TBC1D32: variants seen among roughly 807,000 people sequenced by gnomAD.
TBC1D32 encodes the protein protein broad-minded.
Under a neutral mutation model 170.3 loss-of-function variants are expected in TBC1D32, and 151 were observed. The observed-to-expected ratio is 0.89, with a 90% CI of 0.78 to 1.01. The LOEUF is 1.01. Ranked by LOEUF, TBC1D32 falls within the 50% of genes least tolerant of loss-of-function variation. The pLI, the probability that TBC1D32 is intolerant of heterozygous loss-of-function variation, is 0.00. For missense variants in TBC1D32, 1,464 were observed against 1,457.1 expected (o/e 1.00, Z -0.08); for synonymous variants, 498 against 488.0 (o/e 1.02, Z -0.27).
At chr6:121,267,654 C>T (rs1013060218) in intron 15 of TBC1D32, among the ~76,000 whole-genome samples, 1 of 152,284 alleles carries the variant, frequency 6.6e-6, no homozygotes, top group South Asian at 2.1e-4. Flanking sequence ...CTCAAGGAGG[C>T]CTGCCTGCCT....
intron 15 of TBC1D32, among the ~76,000 whole-genome samples, chr6:121,263,182 C>T (rs1047325576): frequency 2.0e-5 from 3 of 151,304 alleles, no homozygotes; most frequent in Non-Finnish European, 4.4e-5. Context: ...ATTCAAGAGA[C>T]TCATCTCATA....
In TBC1D32 at chr6:121,198,469, C is replaced by T. The variant is rs146911281; in HGVS notation, c.2570+6606G>A. On this transcript the variant is annotated intron_variant, in intron 22 of 31. Coordinates refer to ENST00000398212, the MANE Select transcript of TBC1D32 (RefSeq NM_152730.6). ...ATAGGGGTAGTCAGTAAAGAGTGAC[C>T]GGCCTGGCACGGTGGCTCATGCCAG... 8.5e-3 allele frequency among the ~76,000 whole-genome samples: 1,277 copies of T among 150,162 alleles called. 9 individuals are homozygous for T. Among genetic ancestry groups the T allele is most frequent in the Non-Finnish European group, 0.013 (856 of 67,858 alleles).
chr6:121,089,340 G>C (rs1467122581), intron 31 of TBC1D32, among the ~76,000 whole-genome samples: 1 of 152,066 alleles, frequency 6.6e-6, no homozygotes, highest in African/African-American at 2.4e-5. Flanking sequence ...AAAACTGTGA[G>C]AAAAACTAAA....
chr6:121,132,157 AG>A (rs1296402923), intron 24 of TBC1D32, among the ~76,000 whole-genome samples: 2 of 152,024 alleles, frequency 1.3e-5, no homozygotes, highest in African/African-American at 4.8e-5. Context: ...TTCTTTAAAA[AG>A]CAAAAAGAAA....
intron 22 of TBC1D32, among the ~76,000 whole-genome samples, chr6:121,175,694 A>T (rs1787669436): frequency 6.6e-6 from 1 of 152,156 alleles, no homozygotes; most frequent in Non-Finnish European, 1.5e-5. Context: ...AAGAAAGGTT[A>T]CCTCTTTAAT....
chr6:121,233,454 T>C (rs774231684), intron 20 of TBC1D32, among the ~76,000 whole-genome samples: 25 of 152,286 alleles, frequency 1.6e-4, no homozygotes, highest in Non-Finnish European at 3.4e-4. Flanking sequence ...TTTTTATCAT[T>C]ATATAATATC....
intron 11 of TBC1D32, among the ~76,000 whole-genome samples, chr6:121,292,921 G>A (rs1437860630): frequency 6.6e-6 from 1 of 152,122 alleles, no homozygotes; most frequent in Non-Finnish European, 1.5e-5. Context: ...GTTACGGAAC[G>A]CTGAAGAAAG....
chr6:121,270,960 T>C (rs1583494965), intron 15 of TBC1D32, among the ~76,000 whole-genome samples: 1 of 152,022 alleles, frequency 6.6e-6, no homozygotes, highest in African/African-American at 2.4e-5. Flanking sequence ...GTTCAACATA[T>C]GCAAATCAAT....
chr6:121,219,441 G>A (rs966152221), intron 21 of TBC1D32, among the ~76,000 whole-genome samples: 2 of 151,722 alleles, frequency 1.3e-5, no homozygotes, highest in African/African-American at 4.8e-5. Context: ...ATTTGAATAC[G>A]CCCCACAGAG....
intron 24 of TBC1D32, among the ~76,000 whole-genome samples, chr6:121,153,698 G>C (rs1222311749): frequency 2.0e-5 from 3 of 152,168 alleles, no homozygotes; most frequent in Non-Finnish European, 4.4e-5. Context: ...TGCCCGGAGA[G>C]GAGGAATCTA....
In TBC1D32 at chr6:121,304,749, A is replaced by G. The variant is rs907927041; in HGVS notation, c.769+6T>C. ...AAAACATTTTTAAATGTTTTCACAAACATACCTAAGCTTGTATAAATTTCC... is the reference window on the plus strand; with the variant it reads ...AAAACATTTTTAAATGTTTTCACAAGCATACCTAAGCTTGTATAAATTTCC... On this transcript the variant is annotated splice_donor_region_variant and intron_variant, in intron 6 of 31. Transcript: ENST00000398212. The G allele has an allele frequency of 3.8e-6, 6 of 1,587,168 alleles. No homozygotes were observed. The highest frequency in any genetic ancestry group is 1.1e-5 in the South Asian group (1 of 87,188).
chr6:121,234,908 G>C (rs1222639982), intron 20 of TBC1D32, among the ~76,000 whole-genome samples: 1 of 152,120 alleles, frequency 6.6e-6, no homozygotes, highest in African/African-American at 2.4e-5. Flanking sequence ...AACACTACTT[G>C]ATGTAGTGTT....
At chr6:121,158,311 C>T (rs1785173091) in intron 24 of TBC1D32, among the ~76,000 whole-genome samples, 1 of 152,154 alleles carries the variant, frequency 6.6e-6, no homozygotes, top group Non-Finnish European at 1.5e-5. Context: ...TGCTTTAGGA[C>T]TAATTATGAA....
In TBC1D32 at chr6:121,279,250, A is replaced by G. The variant is rs1477597922; in HGVS notation, c.1609-5T>C. The G allele has an allele frequency of 1.9e-6, 3 of 1,598,984 alleles. No individual in the cohort carries two copies. The highest frequency in any genetic ancestry group is 1.8e-5 in the Admixed American group (1 of 55,034). On this transcript the variant is annotated splice_polypyrimidine_tract_variant and splice_region_variant and intron_variant, in intron 14 of 31. Transcript: ENST00000398212. Reference sequence around the variant, plus strand: ...CTCAGAGCAATTTGGAGATGCCTGTACATTAAAAAGAAAACAAGACAAATC... The same window carrying G: ...CTCAGAGCAATTTGGAGATGCCTGTGCATTAAAAAGAAAACAAGACAAATC...
intron 22 of TBC1D32, among the ~76,000 whole-genome samples, chr6:121,168,374 A>G (rs1443544157): frequency 7.2e-6 from 1 of 139,728 alleles, no homozygotes; most frequent in Non-Finnish European, 1.5e-5. Context: ...ATGGAATACT[A>G]TACAGCCATA....
At chr6:121,282,405 A>G (rs1803145318) in intron 13 of TBC1D32, among the ~76,000 whole-genome samples, 1 of 151,684 alleles carries the variant, frequency 6.6e-6, no homozygotes, top group Non-Finnish European at 1.5e-5. Flanking sequence ...AGTAAGATAC[A>G]ACACTTTAGT....
intron 15 of TBC1D32, among the ~76,000 whole-genome samples, chr6:121,273,637 T>C (rs535376256): frequency 7.0e-6 from 1 of 142,640 alleles, no homozygotes; most frequent in South Asian, 2.4e-4. Context: ...AAAGTATAAT[T>C]TAAAAAAAAA....
chr6:121,177,144 T>A (rs1260391656), intron 22 of TBC1D32, among the ~76,000 whole-genome samples: 1 of 152,158 alleles, frequency 6.6e-6, no homozygotes, highest in Non-Finnish European at 1.5e-5. Flanking sequence ...TGGATATGTG[T>A]CCCTGCCCAT....
At chr6:121,242,053 A>T in intron 18 of TBC1D32, 148 bp downstream of exon 18, 2 of 774,672 alleles carry the variant, frequency 2.6e-6, no homozygotes, top group Non-Finnish European at 3.9e-6. Flanking sequence ...TGTTTTCCTA[A>T]AAAAAAATCA....
Sources: allele counts gnomAD v4.1 joint callset (sites outside exome capture counted in the v4.1 genomes callset), GRCh38; gene constraint gnomAD v4.1.1; transcripts MANE v1.5; gene names NCBI Gene and HGNC (gene_info 2026-07-23, HGNC 2026-07-21).